Variants in VGLL3 observed in about 807,000 individuals in gnomAD.
VGLL3 encodes the protein vestigial like family member 3.
Under a neutral mutation model 29.2 loss-of-function variants are expected in VGLL3, and 18 were observed. The observed-to-expected ratio is 0.62, with a 90% CI of 0.43 to 0.91. VGLL3 has a LOEUF of 0.91. Ranked by LOEUF, VGLL3 falls within the 40% of genes least tolerant of loss-of-function variation. The probability of loss-of-function intolerance (pLI) is 0.00; values close to 1 mark genes in which losing one functional copy is unlikely to be tolerated. For synonymous variants in VGLL3, 180 were observed against 151.8 expected, an observed-to-expected ratio of 1.19 and a Z score of -1.36; for missense variants, 440 against 413.2, an observed-to-expected ratio of 1.06 and a Z score of -0.56.
At chr3:86,983,198 CTT>C (rs1175526692) in intron 1 of VGLL3, among the ~76,000 whole-genome samples, 1 of 152,162 alleles carries the variant, frequency 6.6e-6, no homozygotes, top group East Asian at 1.9e-4. Flanking sequence ...TCACTGGAGT[CTT>C]TGGATATTTA....
intron 1 of VGLL3, among the ~76,000 whole-genome samples, chr3:86,987,805 A>AAT (rs140232887): frequency 0.087 from 13,261 of 152,062 alleles, 1,554 homozygotes; most frequent in African/African-American, 0.26. Context: ...AGTGCAAGCT[A>AAT]ATATATATAT....
intron 3 of VGLL3, among the ~76,000 whole-genome samples, chr3:86,959,829 C>G (rs1427518045): frequency 6.6e-6 from 1 of 152,086 alleles, no homozygotes; most frequent in East Asian, 1.9e-4. Context: ...TTTCCTGCAA[C>G]TAGTGATTTT....
intron 3 of VGLL3, among the ~76,000 whole-genome samples, chr3:86,949,781 CAT>C (rs1559719491): frequency 2.3e-4 from 33 of 143,714 alleles, no homozygotes; most frequent in African/African-American, 8.0e-4. Context: ...GAGCCGAGAT[CAT>C]GCCACTGCAC....
chr3:86,980,696 T>A lies in VGLL3; in HGVS notation c.127-1894A>T, dbSNP rs1186871558. 3.3e-5 allele frequency among the ~76,000 whole-genome samples: 5 copies of A among 152,210 alleles called. No individual in the cohort carries two copies. The South Asian group carries it at 8.3e-4, about 25-fold the overall frequency. ...CCTAGTTTTAAATTCCATTAAAAAA[T>A]TAAATGAATATTATGATTTATTAGT... On this transcript the variant is annotated intron_variant, in intron 1 of 3. Coordinates refer to ENST00000398399, the MANE Select transcript of VGLL3 (RefSeq NM_016206.4).
chr3:86,963,019 C>A (rs1274189741), intron 3 of VGLL3: 1 of 238,672 alleles, frequency 4.2e-6, no homozygotes, highest in Non-Finnish European at 9.1e-6. Flanking sequence ...TGGTTGAACT[C>A]GGGAGGCAGA....
chr3:86,964,241 G>T (rs1339931106), intron 3 of VGLL3, among the ~76,000 whole-genome samples: 1 of 152,164 alleles, frequency 6.6e-6, no homozygotes, highest in Non-Finnish European at 1.5e-5. Flanking sequence ...TGTACCACAT[G>T]AGCAGAGTAG....
At chr3:86,960,282 G>A (rs889896166) in intron 3 of VGLL3, among the ~76,000 whole-genome samples, 3 of 151,900 alleles carry the variant, frequency 2.0e-5, no homozygotes, top group Non-Finnish European at 4.4e-5. Context: ...TAGTTTACTG[G>A]CCTTAAACCA....
At chr3:86,989,064 G>A (rs541028357) in intron 1 of VGLL3, among the ~76,000 whole-genome samples, 21 of 152,018 alleles carry the variant, frequency 1.4e-4, no homozygotes, top group Admixed American at 4.6e-4. Flanking sequence ...CTCTGATACC[G>A]AATGTTATTT....
intron 1 of VGLL3, among the ~76,000 whole-genome samples, chr3:86,988,714 A>T (rs116116905): frequency 0.082 from 9,503 of 115,280 alleles, 1,629 homozygotes; most frequent in African/African-American, 0.24. Flanking sequence ...GAAAAAGAAG[A>T]AAAAGCAACA....
chr3:86,991,057 G>C lies in VGLL3; in HGVS notation c.-314C>G. 1 of 543,636 alleles carries C rather than the reference G, an allele frequency of 1.8e-6. No homozygotes were observed. The highest frequency in any genetic ancestry group is 1.4e-4 in the East Asian group (1 of 7,216). 33.7% of individuals were successfully genotyped at this position (543,636 alleles called of 1,614,324 possible). On this transcript the variant is annotated 5_prime_UTR_variant, in exon 1 of 4. Coordinates refer to ENST00000398399, the MANE Select transcript of VGLL3 (RefSeq NM_016206.4). ...GGGCATTACCGCGTCCGGCTCCCGC[G>C]AGGGCTGCGGCGCCCACGGCAGCGC... is the stretch of plus-strand genomic sequence containing the variant.
chr3:86,950,087 T>C (rs1704586966), intron 3 of VGLL3, among the ~76,000 whole-genome samples: 1 of 152,172 alleles, frequency 6.6e-6, no homozygotes, highest in Non-Finnish European at 1.5e-5. Flanking sequence ...CATACTTTTC[T>C]GCTTCCTCAC....
chr3:86,987,039 A>C (rs1705457372), intron 1 of VGLL3, among the ~76,000 whole-genome samples: 1 of 152,192 alleles, frequency 6.6e-6, no homozygotes, highest in Admixed American at 6.5e-5. Context: ...AAACATTAAA[A>C]AAATTTAAAA....
At chr3:86,966,773 G>GTGTATA (rs1704970748) in intron 3 of VGLL3, among the ~76,000 whole-genome samples, 1 of 37,986 alleles carries the variant, frequency 2.6e-5, no homozygotes, top group Non-Finnish European at 4.9e-5. Context: ...GTGTGTGTGT[G>GTGTATA]TATATATATA....
intron 1 of VGLL3, among the ~76,000 whole-genome samples, chr3:86,989,975 G>A (rs1475051397): frequency 6.6e-6 from 1 of 152,134 alleles, no homozygotes; most frequent in Non-Finnish European, 1.5e-5. Context: ...TTTGGCCGAG[G>A]GACCCACTGT....
chr3:86,976,467 T>C (rs1190904132), intron 2 of VGLL3, among the ~76,000 whole-genome samples: 2 of 152,218 alleles, frequency 1.3e-5, no homozygotes, highest in African/African-American at 2.4e-5. Context: ...GCCTAACACA[T>C]AGCAGGAGGT....
intron 2 of VGLL3, among the ~76,000 whole-genome samples, chr3:86,971,462 GA>G (rs570692562): frequency 1.5e-3 from 228 of 152,238 alleles, no homozygotes; most frequent in Non-Finnish European, 1.5e-3. Flanking sequence ...AACACTTGGG[GA>G]AATCTAGGAA....
chr3:86,949,682 C>G (rs551032103), intron 3 of VGLL3, among the ~76,000 whole-genome samples: 1 of 151,664 alleles, frequency 6.6e-6, no homozygotes, highest in Non-Finnish European at 1.5e-5. Flanking sequence ...AAAAATTAGC[C>G]GGGCGTGATG....
At position 86,942,957 on chromosome 3, in the gene VGLL3, G is replaced by A. The variant is rs1360215788; in HGVS notation, c.*4067C>T. ...CAACTGATAGGCATCTGTAGTAGCTGTTATTTATTGAACATCTAATATGAG... is the reference window on the plus strand; with the variant it reads ...CAACTGATAGGCATCTGTAGTAGCTATTATTTATTGAACATCTAATATGAG... On this transcript the variant is annotated 3_prime_UTR_variant, in exon 4 of 4. Transcript: ENST00000398399. The A allele has an allele frequency of 6.6e-6, 1 of 152,074 alleles. No individual in the cohort carries two copies. The highest frequency in any genetic ancestry group is 1.5e-5 in the Non-Finnish European group (1 of 68,010). The allele number at this position is 152,074 out of a possible 1,614,324, so 9.4% of individuals were successfully genotyped here.
At chr3:86,970,697 T>A (rs1421699447) in intron 2 of VGLL3, among the ~76,000 whole-genome samples, 1 of 152,114 alleles carries the variant, frequency 6.6e-6, no homozygotes, top group Non-Finnish European at 1.5e-5. Context: ...AGGGTTTTAA[T>A]CTAGTAAGTG....
Sources: allele counts gnomAD v4.1 joint callset (sites outside exome capture counted in the v4.1 genomes callset), GRCh38; gene constraint gnomAD v4.1.1; transcripts MANE v1.5; gene names NCBI Gene and HGNC (gene_info 2026-07-23, HGNC 2026-07-21).